SEMA6D: variants seen among roughly 807,000 people sequenced by gnomAD.
SEMA6D encodes the protein semaphorin 6D, also known as semaphorin-6D.
Under a neutral mutation model 106.6 loss-of-function variants are expected in SEMA6D, and 35 were observed. The observed-to-expected ratio is 0.33, with a 90% CI of 0.25 to 0.44. The LOEUF (loss-of-function observed/expected upper bound fraction) is 0.44, where lower values mean the gene tolerates loss of function less well. Ranked by LOEUF, SEMA6D falls within the 20% of genes least tolerant of loss-of-function variation. The probability of loss-of-function intolerance (pLI) is 1.00; values close to 1 mark genes in which losing one functional copy is unlikely to be tolerated. For synonymous variants in SEMA6D, 499 were observed against 487.7 expected (o/e 1.02, Z -0.31); for missense variants, 1,185 against 1,345.9 (o/e 0.88, Z 1.87).
At chr15:47,553,499 G>T (rs1206938819) in intron 3 of SEMA6D, among the ~76,000 whole-genome samples, 1 of 152,106 alleles carries the variant, frequency 6.6e-6, no homozygotes, top group Non-Finnish European at 1.5e-5. Flanking sequence ...CCTGCTAATA[G>T]TTCACATTTC....
chr15:47,187,794 T>A lies in SEMA6D; in HGVS notation c.-239+3376T>A, dbSNP rs62017384. 6.8e-3 allele frequency among the ~76,000 whole-genome samples: 941 copies of A among 138,784 alleles called. 6 individuals carry two copies. The highest frequency in any genetic ancestry group is 0.011 in the Non-Finnish European group (685 of 60,522). The allele number at this position is 138,784 out of a possible 152,430, so 91.0% of individuals were successfully genotyped here. ...CATTGTCTGGTTAGAGAACTTACTGTTGAAAACGTGGGAATTAGTGGGGGG... is the reference window on the plus strand; with the variant it reads ...CATTGTCTGGTTAGAGAACTTACTGATGAAAACGTGGGAATTAGTGGGGGG... On this transcript the variant is annotated intron_variant, in intron 1 of 19. Coordinates refer to the SEMA6D transcript ENST00000558014.
intron 1 of SEMA6D, among the ~76,000 whole-genome samples, chr15:47,387,917 A>G (rs1288436370): frequency 1.3e-5 from 2 of 152,232 alleles, no homozygotes; most frequent in African/African-American, 4.8e-5. Flanking sequence ...AATTTTTTAT[A>G]AAGTACTAAG....
intron 1 of SEMA6D, among the ~76,000 whole-genome samples, chr15:47,237,955 C>T (rs551208046): frequency 3.3e-5 from 5 of 152,202 alleles, no homozygotes; most frequent in African/African-American, 1.2e-4. Flanking sequence ...TAGCAGCACT[C>T]TTTAAGAAAG....
In SEMA6D at chr15:47,768,232, G is replaced by T. The variant is rs140262873; in HGVS notation, c.1766-349G>T. ...AGTGCTTTTAAAAATGCATAAAAAA[G>T]AAATGAAATGATGTCTCACAAGAGA... is the stretch of plus-strand genomic sequence containing the variant. On this transcript the variant is annotated intron_variant, in intron 17 of 18. Coordinates refer to ENST00000536845, the MANE Select transcript of SEMA6D (RefSeq NM_001358351.3). 2.1e-3 allele frequency among the ~76,000 whole-genome samples: 316 copies of T among 152,166 alleles called. 1 individual carries two copies. The highest frequency in any genetic ancestry group is 7.4e-3 in the African/African-American group (308 of 41,534).
intron 9 of SEMA6D, among the ~76,000 whole-genome samples, chr15:47,763,385 T>G (rs560404797): frequency 6.6e-6 from 1 of 152,282 alleles, no homozygotes; most frequent in African/African-American, 2.4e-5. Context: ...CTACGGATGC[T>G]TTTTTTACTC....
At chr15:47,645,823 G>A (rs2077572593) in intron 4 of SEMA6D, among the ~76,000 whole-genome samples, 1 of 152,126 alleles carries the variant, frequency 6.6e-6, no homozygotes, top group Non-Finnish European at 1.5e-5. Context: ...ATTTGCTACA[G>A]CAGTTCACAG....
chr15:47,228,704 T>C (rs2031983971), intron 1 of SEMA6D, among the ~76,000 whole-genome samples: 1 of 151,948 alleles, frequency 6.6e-6, no homozygotes, highest in Non-Finnish European at 1.5e-5. Flanking sequence ...GGAGTTTTTT[T>C]AAGGGGACTT....
intron 3 of SEMA6D, among the ~76,000 whole-genome samples, chr15:47,565,273 G>T (rs147382940): frequency 6.6e-6 from 1 of 152,146 alleles, no homozygotes; most frequent in South Asian, 2.1e-4. Flanking sequence ...GCCCCAAAGC[G>T]CTCACCCCAG....
intron 4 of SEMA6D, among the ~76,000 whole-genome samples, chr15:47,682,118 C>T (rs1299184248): frequency 2.6e-5 from 4 of 151,418 alleles, no homozygotes; most frequent in Admixed American, 1.3e-4. Flanking sequence ...CTTTTCTCAA[C>T]GAGTTACTAT....
chr15:47,625,648 T>A (rs934323601), intron 4 of SEMA6D, among the ~76,000 whole-genome samples: 1 of 151,858 alleles, frequency 6.6e-6, no homozygotes, highest in Admixed American at 6.6e-5. Flanking sequence ...GGTGAGAGGA[T>A]CGCTATACCC....
intron 4 of SEMA6D, among the ~76,000 whole-genome samples, chr15:47,609,909 C>T (rs552138148): frequency 1.3e-5 from 2 of 152,330 alleles, no homozygotes; most frequent in East Asian, 3.9e-4. Flanking sequence ...AGCCCTGCTG[C>T]CTTTTGCAGC....
At chr15:47,531,080 C>G (rs2044944745) in intron 3 of SEMA6D, among the ~76,000 whole-genome samples, 1 of 152,154 alleles carries the variant, frequency 6.6e-6, no homozygotes, top group Non-Finnish European at 1.5e-5. Context: ...TCATGACAGT[C>G]TATCCAATTT....
At chr15:47,206,375 A>T (rs1444602518) in intron 1 of SEMA6D, among the ~76,000 whole-genome samples, 1 of 152,148 alleles carries the variant, frequency 6.6e-6, no homozygotes, top group Admixed American at 6.5e-5. Flanking sequence ...GGAGACAGAG[A>T]AATGAAGTGG....
At chr15:47,597,023 A>G (rs2076550446) in intron 3 of SEMA6D, among the ~76,000 whole-genome samples, 1 of 152,250 alleles carries the variant, frequency 6.6e-6, no homozygotes, top group East Asian at 1.9e-4. Flanking sequence ...ATTTGCAAGC[A>G]ATACCTCTGA....
At chr15:47,199,792 A>G (rs1296522834) in intron 1 of SEMA6D, among the ~76,000 whole-genome samples, 2 of 151,906 alleles carry the variant, frequency 1.3e-5, no homozygotes, top group African/African-American at 2.4e-5. Context: ...TATTTTGTGT[A>G]TATGTGTGTG....
At chr15:47,396,675 A>C (rs1389636333) in intron 1 of SEMA6D, 1 of 152,202 alleles carries the variant, frequency 6.6e-6, no homozygotes, top group Non-Finnish European at 1.5e-5. Context: ...GTGCTCACCC[A>C]GATTGAGGGT....
At chr15:47,538,940 TGAA>T (rs1228814396) in intron 3 of SEMA6D, among the ~76,000 whole-genome samples, 1 of 152,150 alleles carries the variant, frequency 6.6e-6, no homozygotes, top group Non-Finnish European at 1.5e-5. Context: ...TTGCCTGGTA[TGAA>T]GAAGATCTAC....
At chr15:47,457,283 T>A (rs912589701) in intron 2 of SEMA6D, among the ~76,000 whole-genome samples, 1 of 151,502 alleles carries the variant, frequency 6.6e-6, no homozygotes, top group Non-Finnish European at 1.5e-5. Flanking sequence ...AATATAAAAT[T>A]CAAATGTCAA....
At chr15:47,746,658 A>G (rs941018647) in intron 1 of SEMA6D, among the ~76,000 whole-genome samples, 5 of 152,200 alleles carry the variant, frequency 3.3e-5, no homozygotes, top group African/African-American at 1.2e-4. Flanking sequence ...TATCCTGAAC[A>G]GAAAGTCACA....
Sources: allele counts gnomAD v4.1 joint callset (sites outside exome capture counted in the v4.1 genomes callset), GRCh38; gene constraint gnomAD v4.1.1; transcripts MANE v1.5; gene names NCBI Gene and HGNC (gene_info 2026-07-23, HGNC 2026-07-21).